The following POLR3A variants were observed in gnomAD, a reference collection of about 807,000 sequenced individuals.
POLR3A encodes the protein DNA-directed RNA polymerase III subunit RPC1.
Under a neutral mutation model 152.8 loss-of-function variants are expected in POLR3A, and 112 were observed. The ratio of observed to expected loss-of-function variants is 0.73; its 90% confidence interval spans 0.63 to 0.86. The LOEUF (loss-of-function observed/expected upper bound fraction) is 0.86. Among genes scored for constraint, POLR3A ranks in the 40% least tolerant of loss-of-function variants. The pLI, the probability that POLR3A is intolerant of heterozygous loss-of-function variation, is 0.00. For missense variants in POLR3A, 1,385 were observed against 1,743.1 expected, an observed-to-expected ratio of 0.79 and a Z score of 3.66; for synonymous variants, 615 against 652.1, an observed-to-expected ratio of 0.94 and a Z score of 0.87.
At chr10:77,990,516 A>G (rs979112429) in intron 21 of POLR3A, among the ~76,000 whole-genome samples, 18 of 152,310 alleles carry the variant, frequency 1.2e-4, no homozygotes, top group African/African-American at 4.3e-4. Flanking sequence ...CTAATAGGGA[A>G]ATGGCTTGAG....
rs767164221 is a variant in POLR3A, at chr10:77,981,407, G to T, written c.3891+21C>A. The T allele has an allele frequency of 6.2e-6, 10 of 1,611,382 alleles. No individual in the cohort carries two copies. In the African/African-American group the frequency reaches 1.3e-4, roughly 22 times the overall value. Reference sequence around the variant, plus strand: ...GAGTTTCGGGATGCCCAGGCAGCCCGGGGGCCTCCTGCCCACATACCTTGT... The same window carrying T: ...GAGTTTCGGGATGCCCAGGCAGCCCTGGGGCCTCCTGCCCACATACCTTGT... On this transcript the variant is annotated intron_variant, in intron 29 of 30. Transcript: ENST00000372371.
At chr10:78,017,786 C>A (rs1847539228) in intron 9 of POLR3A, 70 bp from the exon 10 acceptor site, 6 of 1,484,306 alleles carry the variant, frequency 4.0e-6, no homozygotes, top group Non-Finnish European at 5.6e-6. Flanking sequence ...CTCTTCAGAT[C>A]AGGATTCAAT....
intron 9 of POLR3A, among the ~76,000 whole-genome samples, chr10:78,018,228 T>C (rs1317564405): frequency 1.2e-4 from 18 of 149,746 alleles, no homozygotes; most frequent in Admixed American, 1.1e-3. Context: ...CAGTCGGATG[T>C]GGTGGCTCAT....
rs2241546 is a variant in POLR3A at position 77,975,513 on chromosome 10, T to C, written c.*1965A>G. ...TTCTGCTCCAAGGTCTGCCTTGTTCTCAAGTGCTATACGCTGATTCGCACC... is the reference window on the plus strand; with the variant it reads ...TTCTGCTCCAAGGTCTGCCTTGTTCCCAAGTGCTATACGCTGATTCGCACC... On this transcript the variant is annotated 3_prime_UTR_variant, in exon 31 of 31. Transcript: ENST00000372371. The C allele has an allele frequency of 0.25, 37,529 of 152,190 alleles. 5,130 individuals carry two copies. The highest frequency in any genetic ancestry group is 0.52 in the East Asian group (2,662 of 5,166). The allele number at this position is 152,190 out of a possible 1,614,324, so 9.4% of individuals were successfully genotyped here. A position where few individuals can be genotyped will look rare whatever the true frequency, so the allele number is the denominator to read the frequency against.
Position 78,029,460 on chromosome 10 carries a change from A to G in POLR3A, c.-53T>C, listed in dbSNP as rs1370805266. Reference sequence around the variant, plus strand: ...GCACTCGGGAGGCCAGATTAGAGAAACGATGCCCCCAGCACCTCCTGGGGC... The same window carrying G: ...GCACTCGGGAGGCCAGATTAGAGAAGCGATGCCCCCAGCACCTCCTGGGGC... On this transcript the variant is annotated 5_prime_UTR_variant, in exon 1 of 31. Coordinates refer to ENST00000372371, the MANE Select transcript of POLR3A (RefSeq NM_007055.4). 1.9e-6 allele frequency: 3 copies of G among 1,594,152 alleles called. No individual in the cohort carries two copies. Among genetic ancestry groups the G allele is most frequent in the African/African-American group, 1.3e-5 (1 of 74,476 alleles).
intron 29 of POLR3A, 130 bp from the exon 30 acceptor site, chr10:77,980,403 G>A: frequency 1.2e-6 from 1 of 822,068 alleles, no homozygotes; most frequent in Non-Finnish European, 2.0e-6. Flanking sequence ...GAAAGGCCCT[G>A]AGGAGCTATG....
chr10:77,977,814 A>G (rs1402783650), intron 30 of POLR3A, among the ~76,000 whole-genome samples, 188 bp from the exon 31 acceptor site: 1 of 151,968 alleles, frequency 6.6e-6, no homozygotes, highest in Non-Finnish European at 1.5e-5. Flanking sequence ...AGACAGGGGG[A>G]TTCTGCACTT....
Position 77,985,188 on chromosome 10 carries a change from T to C in POLR3A, c.3224A>G (p.Asn1075Ser). The change falls in exon 24 of 31, where the codon AAC becomes AGC. Residue 1075 changes from asparagine (N) to serine (S), a missense_variant. Physicochemically the swap from Asn to Ser is conservative, Grantham distance 46 (BLOSUM62 1). Transcript: ENST00000372371. ...LGVPRIKEII[N>S]ASKAISTPII... ...CAGGCACCTGATGGCCTTGGAAGCG[T>C]TGATGATCTCTTTAATCCGGGGCAC... is the stretch of plus-strand genomic sequence containing the variant. 1 of 1,614,062 alleles carries C rather than the reference T, an allele frequency of 6.2e-7. No homozygotes were observed. The highest frequency in any genetic ancestry group is 2.2e-5 in the East Asian group (1 of 44,874).
At chr10:77,999,557 G>A (rs566827808) in intron 19 of POLR3A, among the ~76,000 whole-genome samples, 28 of 152,192 alleles carry the variant, frequency 1.8e-4, no homozygotes, top group Middle Eastern at 3.4e-3. Context: ...TCCAAGCCCC[G>A]CAGCAAGCAC....
intron 11 of POLR3A, among the ~76,000 whole-genome samples, chr10:78,012,913 A>G (rs11002368): frequency 0.1 from 15,961 of 152,030 alleles, 1,097 homozygotes; most frequent in East Asian, 0.25. Context: ...GTAGAGATGG[A>G]GTTTCGCCAT....
Position 78,025,856 on chromosome 10 carries a change from T to C in POLR3A, c.181-97A>G, listed in dbSNP as rs1047215235. Reference sequence around the variant, plus strand: ...GGCTGGTGACACAGAATCATTTCTTTTGCTTCTTAAATTTCCTTTCTGAGA... The same window carrying C: ...GGCTGGTGACACAGAATCATTTCTTCTGCTTCTTAAATTTCCTTTCTGAGA... On this transcript the variant is annotated intron_variant, in intron 2 of 30. Coordinates refer to ENST00000372371, the MANE Select transcript of POLR3A (RefSeq NM_007055.4). 129 of 1,273,826 alleles carry C rather than the reference T, an allele frequency of 1.0e-4. No individual in the cohort carries two copies. In the East Asian group the frequency reaches 2.1e-3, roughly 21 times the overall value. 78.9% of individuals were successfully genotyped at this position (1,273,826 alleles called of 1,614,324 possible).
chr10:78,003,169 T>G (rs1233270989), intron 16 of POLR3A, among the ~76,000 whole-genome samples: 1 of 152,214 alleles, frequency 6.6e-6, no homozygotes, highest in Non-Finnish European at 1.5e-5. Context: ...ACAAGTCTGG[T>G]TCCATGAAAA....
intron 30 of POLR3A, among the ~76,000 whole-genome samples, chr10:77,978,444 G>A (rs1331527967): frequency 6.6e-6 from 1 of 152,178 alleles, no homozygotes; most frequent in Non-Finnish European, 1.5e-5. Flanking sequence ...GTGCCAGGCA[G>A]TCAAGGAGAC....
intron 19 of POLR3A, among the ~76,000 whole-genome samples, chr10:77,996,743 G>A (rs1416614156): frequency 6.6e-6 from 1 of 152,158 alleles, no homozygotes; most frequent in Non-Finnish European, 1.5e-5. Context: ...AAAAAGAGGA[G>A]CTGGTACCAT....
At chr10:78,023,550 CAGG>C (rs1403973770) in intron 5 of POLR3A, among the ~76,000 whole-genome samples, 1 of 151,866 alleles carries the variant, frequency 6.6e-6, no homozygotes, top group Non-Finnish European at 1.5e-5. Context: ...GAGGCTGACG[CAGG>C]AGGATTGCTT....
Position 78,025,054 on chromosome 10 carries a change from T to C in POLR3A, c.407A>G (p.Tyr136Cys). The C allele has an allele frequency of 6.2e-7, 1 of 1,614,188 alleles. No individual in the cohort carries two copies. The highest frequency in any genetic ancestry group is 8.5e-7 in the Non-Finnish European group (1 of 1,180,014). ...CTTTTTCAGTCCTCGCTTCTGAAGG[T>C]AGGTCAGGCCGGGCCTCTTTAGATA... ...LDYLKRPGLTYLQKRGLKKKI... is the reference protein window; with the variant it reads ...LDYLKRPGLTCLQKRGLKKKI... The change falls in exon 4 of 31, where the codon TAC becomes TGC. Residue 136 changes from tyrosine (Y) to cysteine (C), a missense_variant. Tyr to Cys is a radical substitution (Grantham distance 194). Around this residue, in one of 7 missense-constraint regions of POLR3A, gnomAD observed 493 missense variants for 647.5 expected, o/e 0.76. Coordinates refer to ENST00000372371, the MANE Select transcript of POLR3A (RefSeq NM_007055.4).
At chr10:78,010,762 G>A (rs1390328187) in intron 11 of POLR3A, among the ~76,000 whole-genome samples, 1 of 152,152 alleles carries the variant, frequency 6.6e-6, no homozygotes, top group Non-Finnish European at 1.5e-5. Flanking sequence ...ATTGACCTAG[G>A]AGGGTCCTAC....
At position 77,976,758 on chromosome 10, in the gene POLR3A, G is replaced by T. The variant is rs1212168641; in HGVS notation, c.*720C>A. On this transcript the variant is annotated 3_prime_UTR_variant, in exon 31 of 31. Coordinates refer to ENST00000372371, the MANE Select transcript of POLR3A (RefSeq NM_007055.4). Reference sequence around the variant, plus strand: ...GGGTAGAGCCCCATGATAGGGGTCTGAGGTAGATGAAAACAACAGGGTAGC... The same window carrying T: ...GGGTAGAGCCCCATGATAGGGGTCTTAGGTAGATGAAAACAACAGGGTAGC... 6.6e-6 allele frequency: 1 copy of T among 152,520 alleles called. No individual in the cohort carries two copies. Among genetic ancestry groups the T allele is most frequent in the African/African-American group, 2.4e-5 (1 of 41,452 alleles). 9.4% of individuals were successfully genotyped at this position (152,520 alleles called of 1,614,324 possible). A position where few individuals can be genotyped will look rare whatever the true frequency, so the allele number is the denominator to read the frequency against.
intron 16 of POLR3A, among the ~76,000 whole-genome samples, chr10:78,003,605 T>A (rs1417603829): frequency 6.6e-6 from 1 of 152,148 alleles, no homozygotes; most frequent in Non-Finnish European, 1.5e-5. Flanking sequence ...CATCCAAGTC[T>A]CTTTCAAAGA....
Sources: gnomAD v4.1 joint callset for allele counts (sites outside exome capture counted in the v4.1 genomes callset) on GRCh38, gnomAD v4.1.1 for gene constraint, gnomAD v4.1.1 regional missense constraint, MANE v1.5 for transcripts, NCBI Gene and HGNC (gene_info 2026-07-23, HGNC 2026-07-21) for gene names.